Variants in ELP2 observed in about 807,000 individuals in gnomAD.
ELP2 encodes elongator complex protein 2.
In ELP2, 90 loss-of-function variants were observed where a neutral mutation model predicts 119.2. That is an observed-to-expected ratio of 0.75 (90% CI 0.64 to 0.90). The LOEUF is 0.90. Among genes scored for constraint, ELP2 ranks in the 40% least tolerant of loss-of-function variants. The pLI is 0.00. For missense variants in ELP2, 921 were observed against 967.8 expected (o/e 0.95, Z 0.64); for synonymous variants, 339 against 331.0 (o/e 1.02, Z -0.26).
intron 8 of ELP2, 99 bp from the exon 9 acceptor site, chr18:36,144,840 A>AT: frequency 9.0e-4 from 864 of 964,402 alleles, no homozygotes; most frequent in Non-Finnish European, 1.2e-3. Context: ...TTTTGTCCTA[A>AT]TTTTTTTTTC....
Position 36,138,864 on chromosome 18 carries a change from A to AT in ELP2, c.516dup (p.Thr173TyrfsTer2). The AT allele has an allele frequency of 6.2e-7, 1 of 1,613,404 alleles. No individual in the cohort carries two copies. The highest frequency in any genetic ancestry group is 8.5e-7 in the Non-Finnish European group (1 of 1,179,504). On this transcript the variant is annotated frameshift_variant, in exon 5 of 22. Transcript: ENST00000358232. LOFTEE classifies it high-confidence loss of function. ...GCTCTCTGCTTATCTTTTTTGCCAA[A>AT]TACTGATGGTGAGTATCCTGTTAAG...
intron 8 of ELP2, among the ~76,000 whole-genome samples, chr18:36,144,719 A>G (rs1376223795): frequency 6.6e-6 from 1 of 152,256 alleles, no homozygotes; most frequent in Non-Finnish European, 1.5e-5. Context: ...ATGACCAGCT[A>G]GAACAGAATA....
Position 36,170,050 on chromosome 18 carries a change from C to G in ELP2, c.2077-13C>G. 1 of 1,614,118 alleles carries G rather than the reference C, an allele frequency of 6.2e-7. No homozygotes were observed. The highest frequency in any genetic ancestry group is 8.5e-7 in the Non-Finnish European group (1 of 1,179,990). ...AAGAGAAGGCTTTACAGTGTGTGAT[C>G]TGTCTGTATTAGGTGGTTGTCTGGG... On this transcript the variant is annotated splice_polypyrimidine_tract_variant and intron_variant, in intron 19 of 21. Coordinates refer to ENST00000358232, the MANE Select transcript of ELP2 (RefSeq NM_018255.4).
chr18:36,130,162 C>A, intron 1 of ELP2, 91 bp downstream of exon 1: 1 of 1,557,224 alleles, frequency 6.4e-7, no homozygotes, highest in Non-Finnish European at 8.8e-7. Flanking sequence ...CCGCCCCAGA[C>A]CTAGGAGGCG....
At chr18:36,147,081 GTTTTTTTTTTT>G (rs61330040) in intron 11 of ELP2, among the ~76,000 whole-genome samples, 1 of 123,424 alleles carries the variant, frequency 8.1e-6, no homozygotes, top group South Asian at 2.8e-4. Flanking sequence ...AACATGGGTA[GTTTTTTTTTTT>G]TTTTTTTTTT....
At chr18:36,138,770 C>T (rs1028038572) in intron 4 of ELP2, 25 bp from the exon 5 acceptor site, 2 of 1,583,412 alleles carry the variant, frequency 1.3e-6, no homozygotes, top group Middle Eastern at 1.7e-4. Context: ...GTTAGTTGTT[C>T]ATTGTGTTTT....
intron 17 of ELP2, among the ~76,000 whole-genome samples, chr18:36,163,273 GGGGTGT>G (rs2090794067): frequency 9.2e-4 from 1 of 1,082 alleles, no homozygotes; most frequent in Non-Finnish European, 2.5e-3. Flanking sequence ...TAGTTCATGG[GGGGTGT>G]GTGTGTGTGT....
At chr18:36,153,538 C>T (rs1311789121) in intron 11 of ELP2, among the ~76,000 whole-genome samples, 1 of 152,114 alleles carries the variant, frequency 6.6e-6, no homozygotes, top group Non-Finnish European at 1.5e-5. Context: ...AATTCAGTTC[C>T]AACACTCTCT....
intron 14 of ELP2, among the ~76,000 whole-genome samples, 197 bp downstream of exon 14, chr18:36,159,101 G>A (rs1194282951): frequency 1.3e-5 from 2 of 148,734 alleles, no homozygotes; most frequent in Non-Finnish European, 3.0e-5. Context: ...TTTTCACAAA[G>A]CATGTTTTTT....
intron 11 of ELP2, among the ~76,000 whole-genome samples, chr18:36,148,876 A>G (rs2090297755): frequency 6.7e-6 from 1 of 149,834 alleles, no homozygotes; most frequent in South Asian, 2.1e-4. Flanking sequence ...ACCCTGTCTC[A>G]AAAAAAAAAT....
chr18:36,135,052 A>T (rs1455563298), intron 2 of ELP2, among the ~76,000 whole-genome samples: 1 of 152,214 alleles, frequency 6.6e-6, no homozygotes, highest in Non-Finnish European at 1.5e-5. Context: ...GGTACAAGGG[A>T]TGCCTGTTAG....
At chr18:36,159,692 A>G (rs780838437) in intron 14 of ELP2, 43 bp from the exon 15 acceptor site, 2 of 1,438,004 alleles carry the variant, frequency 1.4e-6, no homozygotes, top group East Asian at 4.5e-5. Context: ...TGAAGGAGAT[A>G]TAAAAATAGT....
At chr18:36,159,676 G>T in intron 14 of ELP2, 59 bp from the exon 15 acceptor site, 1 of 1,296,402 alleles carries the variant, frequency 7.7e-7, no homozygotes. Context: ...TTAATATTGA[G>T]ACAAGTGAAG....
chr18:36,142,096 A>C (rs1481175240), intron 6 of ELP2, among the ~76,000 whole-genome samples, 185 bp from the exon 7 acceptor site: 1 of 152,184 alleles, frequency 6.6e-6, no homozygotes, highest in Non-Finnish European at 1.5e-5. Flanking sequence ...GAGGTGCTCC[A>C]GTTAGTGATT....
At chr18:36,137,803 C>CAAAAA (rs57722627) in intron 3 of ELP2, among the ~76,000 whole-genome samples, 17 of 103,684 alleles carry the variant, frequency 1.6e-4, no homozygotes, top group South Asian at 3.8e-4. Flanking sequence ...ATATTATCAC[C>CAAAAA]AAAAAAAAAA....
In ELP2 at chr18:36,130,050, C is replaced by G. The variant is rs564917395; in HGVS notation, c.117C>G (p.Ser39=). Residue 39 remains serine (S), a synonymous_variant, in exon 1 of 22, where the codon TCC becomes TCG. Coordinates refer to ENST00000358232, the MANE Select transcript of ELP2 (RefSeq NM_018255.4). ...RGLLAFGTSC[S]VVLYDPLKRV... is the part of the protein sequence containing the mutation. ...TTCTGGCCTTTGGCACGTCCTGCTC[C>G]GTGGTGCTCTATGACCCCCTGGTAA... 1.2e-6 allele frequency: 2 copies of G among 1,614,190 alleles called. No individual in the cohort carries two copies. The highest frequency in any genetic ancestry group is 2.2e-5 in the South Asian group (2 of 91,088).
intron 4 of ELP2, 105 bp downstream of exon 4, chr18:36,138,531 T>A: frequency 8.0e-7 from 1 of 1,247,988 alleles, no homozygotes; most frequent in Non-Finnish European, 1.1e-6. Flanking sequence ...GGAGCAACTT[T>A]AAAAATACTA....
intron 15 of ELP2, 61 bp from the exon 16 acceptor site, chr18:36,159,897 C>G: frequency 6.2e-7 from 1 of 1,602,494 alleles, no homozygotes; most frequent in South Asian, 1.1e-5. Flanking sequence ...TTGCTGCTGA[C>G]CTAAATAAGT....
chr18:36,171,008 G>A, intron 20 of ELP2, 39 bp from the exon 21 acceptor site: 1 of 1,370,132 alleles, frequency 7.3e-7, no homozygotes, highest in South Asian at 1.2e-5. Context: ...ACAATTTCAT[G>A]CTAAGTTAAT....
Sources: gnomAD v4.1 joint callset for allele counts (sites outside exome capture counted in the v4.1 genomes callset) on GRCh38, gnomAD v4.1.1 for gene constraint, MANE v1.5 for transcripts, NCBI Gene and HGNC (gene_info 2026-07-23, HGNC 2026-07-21) for gene names.